Variants in MEMO1 observed in about 807,000 individuals in gnomAD.
MEMO1 encodes protein MEMO1.
In MEMO1, 6 loss-of-function variants were observed where a neutral mutation model predicts 45.2. That is an observed-to-expected ratio of 0.13 (90% CI 0.07 to 0.26). The LOEUF (loss-of-function observed/expected upper bound fraction) is 0.26. Ranked by LOEUF, MEMO1 falls within the 10% of genes least tolerant of loss-of-function variation. MEMO1 has a pLI of 1.00. For missense variants in MEMO1, 184 were observed against 370.5 expected (o/e 0.50, Z 4.13); for synonymous variants, 78 against 124.3 (o/e 0.63, Z 2.48).
At chr2:31,986,719 G>C (rs951452103) in intron 2 of MEMO1, among the ~76,000 whole-genome samples, 16 of 152,118 alleles carry the variant, frequency 1.1e-4, no homozygotes, top group Non-Finnish European at 2.1e-4. Flanking sequence ...CAGACAGTAA[G>C]TAACAACTTA....
chr2:31,971,523 C>T (rs1361696946), intron 2 of MEMO1, among the ~76,000 whole-genome samples: 1 of 152,082 alleles, frequency 6.6e-6, no homozygotes, highest in East Asian at 1.9e-4. Context: ...AGTCCCCGTG[C>T]CCAGCCTAAA....
At chr2:31,899,364 C>T (rs1374569915) in intron 6 of MEMO1, among the ~76,000 whole-genome samples, 2 of 152,010 alleles carry the variant, frequency 1.3e-5, no homozygotes, top group Non-Finnish European at 2.9e-5. Context: ...AGAACAGAGG[C>T]CTCAGAAATA....
intron 2 of MEMO1, among the ~76,000 whole-genome samples, chr2:31,979,249 C>G (rs1670369879): frequency 6.6e-6 from 1 of 152,184 alleles, no homozygotes; most frequent in African/African-American, 2.4e-5. Flanking sequence ...TCACCTCCCA[C>G]CAGGTCTCTC....
chr2:31,879,158 G>A (rs1233275906), intron 8 of MEMO1, among the ~76,000 whole-genome samples: 1 of 152,072 alleles, frequency 6.6e-6, no homozygotes, highest in Non-Finnish European at 1.5e-5. Flanking sequence ...TTCACATTTG[G>A]TTTTTGCCTC....
At chr2:31,923,197 T>C (rs1682585107) in intron 4 of MEMO1, among the ~76,000 whole-genome samples, 1 of 152,236 alleles carries the variant, frequency 6.6e-6, no homozygotes, top group African/African-American at 2.4e-5. Flanking sequence ...ATTGTGGTTT[T>C]GATTTGCATC....
At chr2:31,912,452 G>T (rs769896905) in intron 6 of MEMO1, among the ~76,000 whole-genome samples, 1 of 149,932 alleles carries the variant, frequency 6.7e-6, no homozygotes, top group Non-Finnish European at 1.5e-5. Context: ...GGCGGAGGTT[G>T]CAGTGAGCTG....
chr2:31,888,299 T>C (rs1676475431), intron 7 of MEMO1, among the ~76,000 whole-genome samples: 1 of 152,062 alleles, frequency 6.6e-6, no homozygotes, highest in Non-Finnish European at 1.5e-5. Flanking sequence ...CCATACCCGG[T>C]TCATAACTCC....
chr2:32,010,144 A>C, intron 2 of MEMO1, 43 bp downstream of exon 2: 1 of 1,130,512 alleles, frequency 8.8e-7, no homozygotes, highest in Non-Finnish European at 1.1e-6. Context: ...GCGTGGGGCC[A>C]GGCGGCGACG....
intron 2 of MEMO1, among the ~76,000 whole-genome samples, chr2:31,993,949 CTTTTTTTTTTTT>C (rs397800267): frequency 2.7e-5 from 2 of 73,610 alleles, no homozygotes; most frequent in South Asian, 6.5e-4. Flanking sequence ...TCAATACTTT[CTTTTTTTTTTTT>C]TTTTTTTTTT....
chr2:31,989,764 G>T (rs554080852), intron 2 of MEMO1, among the ~76,000 whole-genome samples: 2 of 151,990 alleles, frequency 1.3e-5, no homozygotes, highest in South Asian at 4.2e-4. Context: ...AGGAACTACC[G>T]CATGTAGAGT....
At chr2:32,010,828 G>C (rs1282508464) in intron 1 of MEMO1, 114 bp downstream of exon 1, 1 of 152,454 alleles carries the variant, frequency 6.6e-6, no homozygotes, top group Admixed American at 6.5e-5. Flanking sequence ...GGCATCTGGG[G>C]TCGGGCAGCC....
chr2:31,989,269 G>C (rs1470159765), intron 2 of MEMO1, among the ~76,000 whole-genome samples: 1 of 151,772 alleles, frequency 6.6e-6, no homozygotes, highest in Non-Finnish European at 1.5e-5. Context: ...AATGACTAGT[G>C]GGCTTGTCAC....
chr2:31,890,205 T>C (rs932509682), intron 7 of MEMO1, among the ~76,000 whole-genome samples: 9 of 152,160 alleles, frequency 5.9e-5, no homozygotes, highest in Non-Finnish European at 8.8e-5. Context: ...TATGTTACAG[T>C]TGCACAGGTT....
At chr2:31,871,279 T>G (rs1673688228) in intron 8 of MEMO1, among the ~76,000 whole-genome samples, 1 of 152,334 alleles carries the variant, frequency 6.6e-6, no homozygotes, top group African/African-American at 2.4e-5. Flanking sequence ...TGTGTTTTTG[T>G]TTTTGTTTTT....
At chr2:31,953,454 A>ATTTTTTTTTTTTTTTTTTTTTT (rs148325193) in intron 2 of MEMO1, among the ~76,000 whole-genome samples, 1 of 143,938 alleles carries the variant, frequency 6.9e-6, no homozygotes. Context: ...CTTTCATAAG[A>ATTTTTTTTTTTTTTTTTTTTTT]TTTTTTTTTT....
At chr2:31,879,673 T>C (rs1329756363) in intron 8 of MEMO1, among the ~76,000 whole-genome samples, 1 of 152,194 alleles carries the variant, frequency 6.6e-6, no homozygotes, top group Non-Finnish European at 1.5e-5. Context: ...TTTTATAATA[T>C]AATCAAGATA....
Position 31,962,889 on chromosome 2 carries a change from C to T in MEMO1, c.62-19506G>A, listed in dbSNP as rs188247214. 1.5e-3 allele frequency among the ~76,000 whole-genome samples: 235 copies of T among 152,322 alleles called. 1 individual carries two copies. The highest frequency in any genetic ancestry group is 5.2e-3 in the African/African-American group (218 of 41,572). ...TTCTAGATAAGATTAACATTTCAAT[C>T]AGCAGACTAAGTAAAGCAGATTATC... On this transcript the variant is annotated intron_variant, in intron 2 of 9. Transcript: ENST00000404530.
chr2:31,932,002 T>G (rs1664237792), intron 4 of MEMO1, 65 bp downstream of exon 4: 2 of 1,403,482 alleles, frequency 1.4e-6, no homozygotes, highest in African/African-American at 1.4e-5. Context: ...AAAAGCAAAT[T>G]ACTTCTATAA....
At chr2:31,898,194 G>A (rs1396290139) in intron 6 of MEMO1, among the ~76,000 whole-genome samples, 1 of 151,858 alleles carries the variant, frequency 6.6e-6, no homozygotes, top group African/African-American at 2.4e-5. Flanking sequence ...TTTTTGAAGG[G>A]TTTTTCGTGT....
Sources: allele counts gnomAD v4.1 joint callset (sites outside exome capture counted in the v4.1 genomes callset), GRCh38; gene constraint gnomAD v4.1.1; transcripts MANE v1.5; gene names NCBI Gene and HGNC (gene_info 2026-07-23, HGNC 2026-07-21).